The following C3 variants were observed in gnomAD, a reference collection of about 807,000 sequenced individuals.
The protein encoded by C3 is complement C3, also known as C3 and PZP-like alpha-2-macroglobulin domain-containing protein 1.
In C3, 97 loss-of-function variants were observed where a neutral mutation model predicts 207.9. That is an observed-to-expected ratio of 0.47 (90% confidence interval 0.40 to 0.55). C3 has a LOEUF of 0.55. Ranked by LOEUF, C3 falls within the 20% of genes least tolerant of loss-of-function variation. The pLI is 0.00. For missense variants in C3, 1,684 were observed against 2,171.7 expected (o/e 0.78, Z 4.46); for synonymous variants, 848 against 857.6 (o/e 0.99, Z 0.20).
At chr19:6,717,665 A>ATGTTG (rs935795064) in intron 4 of C3, 3 of 296,370 alleles carry the variant, frequency 1.0e-5, no homozygotes, top group South Asian at 5.5e-5. Context: ...GTGGTTATGT[A>ATGTTG]TGTTGTGTTG....
chr19:6,684,449 C>G lies in C3; in HGVS notation c.4121-10G>C. 1 of 1,611,148 alleles carries G rather than the reference C, an allele frequency of 6.2e-7. No homozygotes were observed. Among genetic ancestry groups the G allele is most frequent in the African/African-American group, 1.3e-5 (1 of 74,964 alleles). ...TCCTGAGGCCTCTTTTCTAGAAACACAGAAGAGAGAAAGATGGGAGAGGGT... is the reference window on the plus strand; with the variant it reads ...TCCTGAGGCCTCTTTTCTAGAAACAGAGAAGAGAGAAAGATGGGAGAGGGT... On this transcript the variant is annotated splice_polypyrimidine_tract_variant and intron_variant, in intron 32 of 40. Coordinates refer to ENST00000245907, the MANE Select transcript of C3 (RefSeq NM_000064.4).
chr19:6,681,603 G>A (rs1418519492), intron 35 of C3, among the ~76,000 whole-genome samples: 2 of 151,876 alleles, frequency 1.3e-5, no homozygotes, highest in African/African-American at 4.8e-5. Flanking sequence ...ACAAAGCCCA[G>A]GATTGGGTTA....
intron 23 of C3, 86 bp downstream of exon 23, chr19:6,696,293 G>A (rs1188234942): frequency 1.3e-5 from 10 of 781,668 alleles, no homozygotes; most frequent in Admixed American, 6.0e-5. Context: ...AGAAAGGTGC[G>A]GGTTAAACAC....
At position 6,719,202 on chromosome 19, in the gene C3, T is replaced by C. The variant is rs762058420; in HGVS notation, c.267+9A>G. 13 of 1,612,876 alleles carry C rather than the reference T, an allele frequency of 8.1e-6. No homozygotes were observed. Among genetic ancestry groups the C allele is most frequent in the Non-Finnish European group, 1.1e-5 (13 of 1,178,988 alleles). On this transcript the variant is annotated intron_variant, in intron 2 of 40. Transcript: ENST00000245907. The surrounding 1 kb of genome is among the most constrained non-coding windows in gnomAD (Gnocchi z 5.4). Reference sequence around the variant, plus strand: ...GTGTCAGCCGGGTCCTGCGCCAGTCTGCACTCACCGTGAAGGTGACGTTGC... The same window carrying C: ...GTGTCAGCCGGGTCCTGCGCCAGTCCGCACTCACCGTGAAGGTGACGTTGC...
intron 4 of C3, among the ~76,000 whole-genome samples, 189 bp from the exon 5 acceptor site, chr19:6,714,635 G>T (rs1422278088): frequency 6.6e-6 from 1 of 152,326 alleles, no homozygotes; most frequent in Non-Finnish European, 1.5e-5. Context: ...GCTGAGGCGG[G>T]CAGATCACCT....
At chr19:6,699,487 C>T (rs925588372) in intron 19 of C3, among the ~76,000 whole-genome samples, 3 of 152,052 alleles carry the variant, frequency 2.0e-5, no homozygotes, top group African/African-American at 7.2e-5. Flanking sequence ...CCTGTAATTC[C>T]AGCACTCTGG....
chr19:6,708,096 T>C lies in C3; in HGVS notation c.1846-167A>G, dbSNP rs372849843. On this transcript the variant is annotated intron_variant, in intron 14 of 40. Coordinates refer to ENST00000245907, the MANE Select transcript of C3 (RefSeq NM_000064.4). ...TTTCTCTTTCTCTTTCCTTCCTTCCTTCTCTCTCCTTCCTTCTCTTTTTCT... is the reference window on the plus strand; with the variant it reads ...TTTCTCTTTCTCTTTCCTTCCTTCCCTCTCTCTCCTTCCTTCTCTTTTTCT... Among the ~76,000 whole-genome samples, 247 of 150,432 alleles carry C rather than the reference T, an allele frequency of 1.6e-3. 3 individuals carry two copies. Among genetic ancestry groups the C allele is most frequent in the African/African-American group, 5.8e-3 (235 of 40,810 alleles).
At chr19:6,685,289 G>T (rs1917975278) in intron 29 of C3, 143 bp from the exon 30 acceptor site, 1 of 754,340 alleles carries the variant, frequency 1.3e-6, no homozygotes, top group East Asian at 2.7e-5. Flanking sequence ...GGTGATAACT[G>T]GAGGTCACTG....
intron 19 of C3, among the ~76,000 whole-genome samples, chr19:6,698,473 TG>T (rs1363565615): frequency 2.6e-5 from 4 of 152,128 alleles, no homozygotes; most frequent in African/African-American, 4.8e-5. Flanking sequence ...TTTGCCTGAG[TG>T]AGAAACTGGA....
At chr19:6,717,670 G>T in intron 4 of C3, 1 of 337,754 alleles carries the variant, frequency 3.0e-6, no homozygotes, top group Non-Finnish European at 5.8e-6. Flanking sequence ...TATGTATGTT[G>T]TGTTGTGTTG....
intron 33 of C3, chr19:6,682,936 C>T (rs1917900433): frequency 6.5e-6 from 1 of 154,706 alleles, no homozygotes; most frequent in Non-Finnish European, 1.4e-5. Context: ...AAGTGAACTT[C>T]AAAGACAGCA....
At chr19:6,695,479 T>G (rs571508636) in intron 23 of C3, among the ~76,000 whole-genome samples, 1 of 152,200 alleles carries the variant, frequency 6.6e-6, no homozygotes, top group East Asian at 1.9e-4. Context: ...TTTGTTTGTT[T>G]GTTTGTTTGT....
At chr19:6,708,809 C>A (rs11085196) in intron 14 of C3, among the ~76,000 whole-genome samples, 48,151 of 151,068 alleles carry the variant, frequency 0.32, 8,272 homozygotes, top group East Asian at 0.45. Flanking sequence ...ACCTCTGCCT[C>A]CTGAGCAGAT....
chr19:6,682,006 T>G lies in C3; in HGVS notation c.4285A>C (p.Ile1429Leu). 6.2e-7 allele frequency: 1 copy of G among 1,614,138 alleles called. No individual in the cohort carries two copies. Among genetic ancestry groups the G allele is most frequent in the Non-Finnish European group, 8.5e-7 (1 of 1,179,982 alleles). The change falls in exon 35 of 41, where the codon ATC (isoleucine) becomes CTC (leucine). Residue 1429 changes from isoleucine to leucine, a missense_variant. Around this residue, in one of 3 missense-constraint regions of C3, gnomAD observed 346 missense variants for 380.1 expected, o/e 0.91. Transcript: ENST00000245907. ...KQLANGVDRY[I>L]SKYELDKAFS... is the part of the protein sequence containing the mutation. ...GCTTTGTCCAGCTCATACTTGGAGA[T>G]GTATCTGTCAACACCATTGGCCAGC...
Position 6,713,320 on chromosome 19 carries a change from G to A in C3, c.877-5C>T. 6.2e-7 allele frequency: 1 copy of A among 1,613,894 alleles called. No homozygotes were observed. The highest frequency in any genetic ancestry group is 1.1e-5 in the South Asian group (1 of 91,084). ...CTCCCCCGAGCCATCCTCAATCTGA[G>A]AAGGGAGAGGAGGGCTCAGAGAGGG... On this transcript the variant is annotated splice_polypyrimidine_tract_variant and splice_region_variant and intron_variant, in intron 8 of 40. Transcript: ENST00000245907.
chr19:6,703,522 G>A (rs375062167), intron 17 of C3, among the ~76,000 whole-genome samples: 1 of 151,246 alleles, frequency 6.6e-6, no homozygotes, highest in African/African-American at 2.4e-5. Context: ...CAGGAGAATC[G>A]CTTGAACCCG....
chr19:6,708,689 C>CT (rs34659937), intron 14 of C3, among the ~76,000 whole-genome samples: 21,844 of 125,934 alleles, frequency 0.17, 2,185 homozygotes, highest in Admixed American at 0.3. Context: ...TCTTTCCATT[C>CT]TTTTTTTTTT....
chr19:6,682,396 G>A (rs975152046), intron 33 of C3, 167 bp from the exon 34 acceptor site: 3 of 661,460 alleles, frequency 4.5e-6, no homozygotes, highest in Non-Finnish European at 8.3e-6. Context: ...GAAATAAAAA[G>A]CAAGGTAATG....
At chr19:6,710,577 A>G (rs1363856045) in intron 13 of C3, 62 bp downstream of exon 13, 2 of 839,186 alleles carry the variant, frequency 2.4e-6, no homozygotes, top group Non-Finnish European at 3.3e-6. Flanking sequence ...AGACAGGGAG[A>G]GAGAGAGAGA....
Sources: allele counts gnomAD v4.1 joint callset (sites outside exome capture counted in the v4.1 genomes callset), GRCh38; gene constraint gnomAD v4.1.1; regional missense constraint gnomAD v4.1.1; non-coding constraint Gnocchi (gnomAD v3.1); transcripts MANE v1.5; gene names NCBI Gene and HGNC (gene_info 2026-07-23, HGNC 2026-07-21).